HHIP: variants seen among roughly 807,000 people sequenced by gnomAD.
HHIP encodes hedgehog interacting protein, also known as hedgehog-interacting protein.
In HHIP, 12 loss-of-function variants were observed where a neutral mutation model predicts 74.0. That is an observed-to-expected ratio of 0.16 (90% CI 0.10 to 0.26). The LOEUF (loss-of-function observed/expected upper bound fraction) is 0.26, where lower values mean the gene tolerates loss of function less well. Among genes scored for constraint, HHIP ranks in the 10% least tolerant of loss-of-function variants. The pLI, the probability that HHIP is intolerant of heterozygous loss-of-function variation, is 1.00. For synonymous variants in HHIP, 309 were observed against 311.6 expected (o/e 0.99, Z 0.09); for missense variants, 788 against 845.0 (o/e 0.93, Z 0.84).
At chr4:144,675,101 G>A (rs1223853773) in intron 4 of HHIP, among the ~76,000 whole-genome samples, 2 of 152,042 alleles carry the variant, frequency 1.3e-5, no homozygotes, top group Non-Finnish European at 2.9e-5. Context: ...AACCTAATAA[G>A]CATTTATTTC....
At chr4:144,655,549 G>C (rs1728536751) in intron 2 of HHIP, among the ~76,000 whole-genome samples, 1 of 152,128 alleles carries the variant, frequency 6.6e-6, no homozygotes, top group African/African-American at 2.4e-5. Flanking sequence ...TAATCCTATT[G>C]CTAAGAAGGC....
intron 4 of HHIP, among the ~76,000 whole-genome samples, chr4:144,675,957 T>C (rs1729158551): frequency 6.6e-6 from 1 of 152,188 alleles, no homozygotes; most frequent in South Asian, 2.1e-4. Context: ...GCCATTAGTA[T>C]AACTTCAGTA....
chr4:144,679,020 TCCA>T (rs1279196448), intron 4 of HHIP, among the ~76,000 whole-genome samples: 3 of 152,218 alleles, frequency 2.0e-5, no homozygotes, highest in African/African-American at 7.2e-5. Context: ...TTCCTATTTC[TCCA>T]CATCCTCTCC....
intron 4 of HHIP, among the ~76,000 whole-genome samples, chr4:144,671,207 T>C (rs114579528): frequency 0.014 from 2,077 of 152,298 alleles, 28 homozygotes; most frequent in South Asian, 0.023. Flanking sequence ...ACCCTGGGGT[T>C]GATCACGCTT....
At chr4:144,688,108 A>G (rs544096254) in intron 4 of HHIP, among the ~76,000 whole-genome samples, 1 of 152,266 alleles carries the variant, frequency 6.6e-6, no homozygotes, top group East Asian at 1.9e-4. Flanking sequence ...AACGCATTTA[A>G]AGAAATTTTG....
chr4:144,709,291 C>T (rs573408937), intron 7 of HHIP, among the ~76,000 whole-genome samples: 1 of 152,138 alleles, frequency 6.6e-6, no homozygotes, highest in South Asian at 2.1e-4. Flanking sequence ...ACAGGGAATA[C>T]TTAAGGTGGG....
chr4:144,680,281 T>C (rs1028397375), intron 4 of HHIP, among the ~76,000 whole-genome samples: 1 of 152,224 alleles, frequency 6.6e-6, no homozygotes, highest in South Asian at 2.1e-4. Flanking sequence ...ATAGCCATTC[T>C]AAAAGCAATG....
intron 4 of HHIP, among the ~76,000 whole-genome samples, chr4:144,684,315 G>C (rs972120231): frequency 8.3e-6 from 1 of 120,216 alleles, no homozygotes; most frequent in Non-Finnish European, 1.6e-5. Flanking sequence ...CTGGAGTGCA[G>C]TGGCGCGATC....
rs200624172 is a variant in HHIP, at chr4:144,737,961, C to T, written c.*4C>T. ...TCTAACAAGTTACATTGTATAGTTT[C>T]TGGGACTGTTTGAATATTCTATTCC... On this transcript the variant is annotated 3_prime_UTR_variant, in exon 13 of 13. Transcript: ENST00000296575. 6.2e-5 allele frequency: 97 copies of T among 1,566,474 alleles called. No homozygotes were observed. Among genetic ancestry groups the T allele is most frequent in the Middle Eastern group, 3.4e-4 (2 of 5,828 alleles).
At chr4:144,699,752 CT>C (rs1003076168) in intron 4 of HHIP, among the ~76,000 whole-genome samples, 1,596 of 146,452 alleles carry the variant, frequency 0.011, 24 homozygotes, top group African/African-American at 0.032. Context: ...AAAGAACAAA[CT>C]TTTTTTTTTT....
chr4:144,714,178 T>A (rs1457758504), intron 8 of HHIP, 47 bp from the exon 9 acceptor site: 1 of 1,559,106 alleles, frequency 6.4e-7, no homozygotes, highest in African/African-American at 1.4e-5. Flanking sequence ...TTCCTTTTAC[T>A]TTATGAAAAT....
chr4:144,657,510 G>A (rs1490663556), intron 2 of HHIP, among the ~76,000 whole-genome samples: 1 of 152,080 alleles, frequency 6.6e-6, no homozygotes, highest in Non-Finnish European at 1.5e-5. Flanking sequence ...GACTGACTCT[G>A]GTAATACCGT....
chr4:144,728,006 AC>A (rs1488497215), intron 11 of HHIP, among the ~76,000 whole-genome samples: 1 of 152,172 alleles, frequency 6.6e-6, no homozygotes, highest in East Asian at 1.9e-4. Flanking sequence ...TACAAAGCTG[AC>A]CCTCTCTCAT....
chr4:144,686,239 G>A (rs1037076595), intron 4 of HHIP, among the ~76,000 whole-genome samples: 1 of 152,026 alleles, frequency 6.6e-6, no homozygotes, highest in Non-Finnish European at 1.5e-5. Flanking sequence ...AATTAAGTTC[G>A]GTATCCTCCC....
intron 11 of HHIP, among the ~76,000 whole-genome samples, chr4:144,728,348 G>A (rs1401160318): frequency 6.6e-6 from 1 of 152,132 alleles, no homozygotes; most frequent in Non-Finnish European, 1.5e-5. Context: ...TCGCAAAGAA[G>A]ACAGCCAATG....
intron 11 of HHIP, among the ~76,000 whole-genome samples, chr4:144,722,581 G>T (rs1730667296): frequency 6.6e-6 from 1 of 152,224 alleles, no homozygotes; most frequent in Admixed American, 6.5e-5. Context: ...AGCCAGGTGT[G>T]GTGGCCCACG....
At chr4:144,729,444 T>C (rs1262381327) in intron 11 of HHIP, among the ~76,000 whole-genome samples, 52 of 152,186 alleles carry the variant, frequency 3.4e-4, no homozygotes, top group Non-Finnish European at 1.6e-4. Flanking sequence ...GCCACATTGA[T>C]TCCTCCTGGC....
At chr4:144,679,223 G>A (rs77243209) in intron 4 of HHIP, among the ~76,000 whole-genome samples, 10,524 of 151,842 alleles carry the variant, frequency 0.069, 693 homozygotes, top group East Asian at 0.21. Context: ...CTTTTTGATG[G>A]GGCTGTTTTT....
chr4:144,669,370 T>A (rs535478879), intron 4 of HHIP, among the ~76,000 whole-genome samples: 2 of 152,302 alleles, frequency 1.3e-5, no homozygotes, highest in South Asian at 4.1e-4. Flanking sequence ...CAGCTGACAA[T>A]GTATATGGTC....
Sources: gnomAD v4.1 joint callset for allele counts (sites outside exome capture counted in the v4.1 genomes callset) on GRCh38, gnomAD v4.1.1 for gene constraint, MANE v1.5 for transcripts, NCBI Gene and HGNC (gene_info 2026-07-23, HGNC 2026-07-21) for gene names.